The following IGF2R variants were observed in gnomAD, a reference collection of about 807,000 sequenced individuals.
The protein encoded by IGF2R is cation-independent mannose-6-phosphate receptor.
A neutral mutation model predicts 270.6 loss-of-function variants in IGF2R; 91 were observed. That is an observed-to-expected ratio of 0.34 (90% CI 0.28 to 0.40). The LOEUF is 0.40. Ranked by LOEUF, IGF2R falls within the 10% of genes least tolerant of loss-of-function variation. The pLI is 1.00. For synonymous variants in IGF2R, 1,316 were observed against 1,258.9 expected, an observed-to-expected ratio of 1.05 and a Z score of -0.96; for missense variants, 2,805 against 3,188.3, an observed-to-expected ratio of 0.88 and a Z score of 2.90.
chr6:159,981,313 C>G (rs684049), intron 1 of IGF2R, among the ~76,000 whole-genome samples: 28,748 of 151,618 alleles, frequency 0.19, 3,261 homozygotes, highest in East Asian at 0.46. Context: ...GTCTGAGTGT[C>G]TGTGAGTGCA....
rs1053209403 is a variant in IGF2R, at chr6:160,032,824, G to A, written c.1045+111G>A. The A allele has an allele frequency of 2.1e-6, 3 of 1,408,812 alleles. No individual in the cohort carries two copies. The African/African-American group carries it at 4.3e-5, about 20-fold the overall frequency. The allele number at this position is 1,408,812 out of a possible 1,614,324, so 87.3% of individuals were successfully genotyped here. On this transcript the variant is annotated intron_variant, in intron 8 of 47. Coordinates refer to ENST00000356956, the MANE Select transcript of IGF2R (RefSeq NM_000876.4). ...CATGCATGCTTCTGGGTTGGAGAGAGCTGTAGTTTGGGCTGGTGTTTCAGA... is the reference window on the plus strand; with the variant it reads ...CATGCATGCTTCTGGGTTGGAGAGAACTGTAGTTTGGGCTGGTGTTTCAGA...
At chr6:160,068,922 C>T (rs1212082395) in intron 30 of IGF2R, among the ~76,000 whole-genome samples, 1 of 152,114 alleles carries the variant, frequency 6.6e-6, no homozygotes, top group Non-Finnish European at 1.5e-5. Flanking sequence ...TAGTATGGCC[C>T]AGGGTAAATC....
chr6:159,983,765 G>A (rs1195289333), intron 1 of IGF2R, among the ~76,000 whole-genome samples: 1 of 152,198 alleles, frequency 6.6e-6, no homozygotes, highest in Non-Finnish European at 1.5e-5. Context: ...GTGCATCTGA[G>A]TTGAGGAAGA....
At chr6:160,071,634 G>A (rs963917856) in intron 31 of IGF2R, among the ~76,000 whole-genome samples, 11 of 152,234 alleles carry the variant, frequency 7.2e-5, no homozygotes, top group South Asian at 4.1e-4. Context: ...CCCAACCCCT[G>A]TCCTGTTCCT....
chr6:160,097,276 T>G (rs902032090), intron 45 of IGF2R, among the ~76,000 whole-genome samples: 4 of 152,194 alleles, frequency 2.6e-5, no homozygotes, highest in African/African-American at 9.6e-5. Context: ...TGCTTTCCTC[T>G]TGGATTTATT....
chr6:160,053,161 A>G (rs781013057), intron 19 of IGF2R, among the ~76,000 whole-genome samples: 4 of 152,190 alleles, frequency 2.6e-5, no homozygotes, highest in East Asian at 1.9e-4. Flanking sequence ...TCAGCAAACT[A>G]TCATAAGGAC....
chr6:160,009,179 G>C lies in IGF2R; in HGVS notation c.414+45G>C, dbSNP rs372019337. 5 of 1,503,694 alleles carry C rather than the reference G, an allele frequency of 3.3e-6. No homozygotes were observed. In the African/African-American group the frequency reaches 7.1e-5, roughly 21 times the overall value. The allele number at this position is 1,503,694 out of a possible 1,614,324, so 93.1% of individuals were successfully genotyped here. A position where few individuals can be genotyped will look rare whatever the true frequency, so the allele number is the denominator to read the frequency against. ...TGATGTATTTCTTTAAAAAAAAAAA[G>C]GTCTGCCCCTTGGTGTTCTGGCTGT... On this transcript the variant is annotated intron_variant, in intron 3 of 47. Coordinates refer to ENST00000356956, the MANE Select transcript of IGF2R (RefSeq NM_000876.4).
At chr6:160,088,183 G>T (rs374470009) in intron 42 of IGF2R, 36 bp downstream of exon 42, 5 of 1,283,888 alleles carry the variant, frequency 3.9e-6, no homozygotes, top group Middle Eastern at 2.1e-4. Context: ...GGACTGTGCA[G>T]TGAGCATACT....
chr6:159,993,985 ATTTTTTTT>A (rs59369382), intron 2 of IGF2R, among the ~76,000 whole-genome samples: 2,704 of 61,012 alleles, frequency 0.044, 80 homozygotes, highest in East Asian at 0.21. Context: ...CTCCAACTTG[ATTTTTTTT>A]TTTTTTTTTT....
At chr6:160,079,999 C>A in intron 38 of IGF2R, 130 bp from the exon 39 acceptor site, 4 of 1,175,140 alleles carry the variant, frequency 3.4e-6, no homozygotes, top group South Asian at 1.4e-5. Flanking sequence ...TGAGTTTTGG[C>A]AGGTGAATGC....
At position 159,970,698 on chromosome 6, in the gene IGF2R, G is replaced by C. The variant is rs529658294; in HGVS notation, c.149+1303G>C. ...ACTCCAGTAACTAGTATGATACAGA[G>C]AAATGGTGGCAGCTTAAACGAGGTC... On this transcript the variant is annotated intron_variant, in intron 1 of 47. Coordinates refer to ENST00000356956, the MANE Select transcript of IGF2R (RefSeq NM_000876.4). Among the ~76,000 whole-genome samples, 4 of 152,250 alleles carry C rather than the reference G, an allele frequency of 2.6e-5. No homozygotes were observed. In the South Asian group the frequency reaches 8.3e-4, roughly 31 times the overall value.
intron 29 of IGF2R, among the ~76,000 whole-genome samples, chr6:160,067,534 A>T (rs374207058): frequency 6.6e-6 from 1 of 152,260 alleles, no homozygotes; most frequent in South Asian, 2.1e-4. Flanking sequence ...GTTTTGTTTA[A>T]TACAGTACCC....
chr6:160,049,117 TG>T (rs1328420547), intron 18 of IGF2R, among the ~76,000 whole-genome samples: 2 of 152,184 alleles, frequency 1.3e-5, no homozygotes, highest in Non-Finnish European at 2.9e-5. Flanking sequence ...GTACTTTTCT[TG>T]GTGTATGCTA....
chr6:160,057,955 G>A lies in IGF2R; in HGVS notation c.2797-68G>A. On this transcript the variant is annotated intron_variant, in intron 20 of 47. Transcript: ENST00000356956. ...ATACTTGCAGGTTTCTGGAGGTGCT[G>A]TATGTATGTTATGTTCCTGTGGAAT... 29 of 894,726 alleles carry A rather than the reference G, an allele frequency of 3.2e-5. 1 individual carries two copies. In the South Asian group the frequency reaches 3.9e-4, roughly 12 times the overall value. The allele number at this position is 894,726 out of a possible 1,614,324, so 55.4% of individuals were successfully genotyped here. A position where few individuals can be genotyped will look rare whatever the true frequency, so the allele number is the denominator to read the frequency against.
At chr6:160,044,448 A>G (rs551468353) in intron 12 of IGF2R, 66 bp from the exon 13 acceptor site, 2 of 1,222,744 alleles carry the variant, frequency 1.6e-6, no homozygotes, top group Admixed American at 2.6e-5. Flanking sequence ...TTTTTAAGTC[A>G]CTTCTTTGTC....
rs1562367895 is a variant in IGF2R at position 160,072,879 on chromosome 6, G to T, written c.4685G>T (p.Gly1562Val). 5.6e-6 allele frequency: 9 copies of T among 1,611,726 alleles called. No individual in the cohort carries two copies. Among genetic ancestry groups the T allele is most frequent in the Non-Finnish European group, 7.6e-6 (9 of 1,178,848 alleles). The stretch of plus-strand genomic sequence containing the variant: ...GGGGAGAATGAAAACTGCCCTCCTG[G>T]CGTGGGTGAGTGCTGTGGTCTCTCG... ...ICGENENCPP[G>V]VGACFGQTRI... Residue 1562 changes from glycine to valine, a missense_variant, in exon 33 of 48, where the codon GGC (glycine) becomes GTC (valine). Gly to Val is a moderately radical substitution (Grantham distance 109, BLOSUM62 -3). This residue lies in a region of IGF2R where 1,851 missense variants were observed against 2,207.2 expected (regional missense o/e 0.84). Transcript: ENST00000356956.
chr6:159,983,657 C>T (rs1783837858), intron 1 of IGF2R, among the ~76,000 whole-genome samples: 1 of 152,188 alleles, frequency 6.6e-6, no homozygotes, highest in Admixed American at 6.5e-5. Context: ...TCTGCTGCTC[C>T]CCGTTTCCTG....
At position 160,060,643 on chromosome 6, in the gene IGF2R, G is replaced by A. The variant is rs1778417738; in HGVS notation, c.3188G>A (p.Gly1063Glu). 6.2e-7 allele frequency: 1 copy of A among 1,614,148 alleles called. No homozygotes were observed. Among genetic ancestry groups the A allele is most frequent in the African/African-American group, 1.3e-5 (1 of 74,944 alleles). ...FLHQDIDSGQ[G>E]IRNTYFEFET... ...CATCAAGATATCGACTCTGGGCAAG[G>A]GATCCGAAACACTTACTTTGAGTTT... Residue 1063 changes from glycine to glutamate, a missense_variant, in exon 23 of 48, where the codon GGG becomes GAG. Gly to Glu is a moderately conservative substitution (Grantham distance 98). Coordinates refer to ENST00000356956, the MANE Select transcript of IGF2R (RefSeq NM_000876.4).
chr6:160,075,976 T>C lies in IGF2R; in HGVS notation c.5296T>C (p.Cys1766Arg). The C allele has an allele frequency of 6.2e-7, 1 of 1,614,224 alleles. No individual in the cohort carries two copies. Among genetic ancestry groups the C allele is most frequent in the Non-Finnish European group, 8.5e-7 (1 of 1,180,042 alleles). Reference protein sequence around the residue: ...FNYTSLIAFHCKRGVSMGTPK... With the variant: ...FNYTSLIAFHRKRGVSMGTPK... The stretch of plus-strand genomic sequence containing the variant: ...CTACACCTCGCTCATCGCGTTTCAC[T>C]GTAAGAGAGGTGTGAGCATGGTAAG... Residue 1766 changes from cysteine to arginine, a missense_variant, in exon 36 of 48, where the codon TGT becomes CGT. By Grantham distance (180) the Cys-to-Arg change is radical (BLOSUM62 -3). This residue lies in a region of IGF2R where 1,851 missense variants were observed against 2,207.2 expected (regional missense o/e 0.84). Transcript: ENST00000356956.
Sources: allele counts gnomAD v4.1 joint callset (sites outside exome capture counted in the v4.1 genomes callset), GRCh38; gene constraint gnomAD v4.1.1; regional missense constraint gnomAD v4.1.1; transcripts MANE v1.5; gene names NCBI Gene and HGNC (gene_info 2026-07-23, HGNC 2026-07-21).